Variants in SLC35D1 observed in about 807,000 individuals in gnomAD.
SLC35D1 encodes solute carrier family 35 member D1, also known as nucleotide sugar transporter SLC35D1.
SLC35D1 carries 31 observed loss-of-function variants against 46.7 expected under a neutral mutation model. That is an observed-to-expected ratio of 0.66 (90% CI 0.50 to 0.90). SLC35D1 has a LOEUF of 0.90. Among genes scored for constraint, SLC35D1 ranks in the 40% least tolerant of loss-of-function variants. The probability of loss-of-function intolerance (pLI) is 0.00; values close to 1 mark genes in which losing one functional copy is unlikely to be tolerated. For synonymous variants in SLC35D1, 195 were observed against 164.6 expected (o/e 1.18, Z -1.41); for missense variants, 397 against 426.2 (o/e 0.93, Z 0.60).
At chr1:67,039,814 ACT>A (rs1197917199) in intron 8 of SLC35D1, among the ~76,000 whole-genome samples, 1 of 151,896 alleles carries the variant, frequency 6.6e-6, no homozygotes, top group Non-Finnish European at 1.5e-5. Context: ...CTCCTCAGAA[ACT>A]CTGTCTCAAC....
chr1:66,974,259 T>A, the SLC35D1 span, among the ~76,000 whole-genome samples: 3 of 152,104 alleles, frequency 2.0e-5, no homozygotes, highest in Admixed American at 1.3e-4. Context: ...GTAATTAGTT[T>A]CAAAAATGTA....
At chr1:67,018,977 G>A (rs1667740524) in intron 10 of SLC35D1, among the ~76,000 whole-genome samples, 1 of 152,208 alleles carries the variant, frequency 6.6e-6, no homozygotes, top group Admixed American at 6.5e-5. Flanking sequence ...TCCCTGTGGA[G>A]TTTGTAAGTA....
chr1:67,044,550 CACAT>C (rs1645230730), intron 7 of SLC35D1, among the ~76,000 whole-genome samples: 1 of 152,148 alleles, frequency 6.6e-6, no homozygotes. Context: ...AGTGTGCACA[CACAT>C]ACACATACAA....
intron 11 of SLC35D1, among the ~76,000 whole-genome samples, chr1:67,004,907 A>T (rs1667416453): frequency 1.3e-5 from 2 of 152,112 alleles, no homozygotes; most frequent in Admixed American, 6.5e-5. Flanking sequence ...AGACCCTAGG[A>T]GATTCACAGA....
At chr1:66,974,540 G>A in the SLC35D1 span, among the ~76,000 whole-genome samples, 790 of 152,014 alleles carry the variant, frequency 5.2e-3, 2 homozygotes, top group Middle Eastern at 0.017. Flanking sequence ...GATAGCTTAT[G>A]TAACAAGCAG....
chr1:67,053,974 C>T lies in SLC35D1; in HGVS notation c.40G>A (p.Gly14Arg), dbSNP rs1553268935. The stretch of plus-strand genomic sequence containing the variant: ...GTGGAGGATTTCGCGGGGGCTTCTC[C>T]TTTAACCCGAGCATGCTGACGTCTA... ...VHRRQHARVK[G>R]EAPAKSSTLR... The change falls in exon 1 of 12, where the codon GGA (glycine) becomes AGA (arginine). Residue 14 changes from glycine to arginine, a missense_variant. Transcript: ENST00000235345. 2 of 1,613,398 alleles carry T rather than the reference C, an allele frequency of 1.2e-6. No homozygotes were observed. Among genetic ancestry groups the T allele is most frequent in the Non-Finnish European group, 1.7e-6 (2 of 1,179,564 alleles).
At chr1:66,977,500 A>C in the SLC35D1 span, among the ~76,000 whole-genome samples, 2 of 152,186 alleles carry the variant, frequency 1.3e-5, no homozygotes, top group Non-Finnish European at 2.9e-5. Context: ...AGTAATATTT[A>C]AGAATTAGTA....
At chr1:66,981,300 C>G in the SLC35D1 span, among the ~76,000 whole-genome samples, 1 of 152,194 alleles carries the variant, frequency 6.6e-6, no homozygotes, top group Non-Finnish European at 1.5e-5. Flanking sequence ...TAGCTCAGAT[C>G]TGGCAGAAAT....
the SLC35D1 span, among the ~76,000 whole-genome samples, chr1:66,990,422 G>A: frequency 5.9e-5 from 9 of 152,160 alleles, no homozygotes; most frequent in Middle Eastern, 3.4e-3. Flanking sequence ...ACAGGTGTGC[G>A]CCACCACGCC....
chr1:67,030,728 G>C (rs1258699096), intron 8 of SLC35D1, among the ~76,000 whole-genome samples: 2 of 152,034 alleles, frequency 1.3e-5, no homozygotes, highest in Non-Finnish European at 2.9e-5. Flanking sequence ...GTACAATTCT[G>C]ACATCTATTA....
the SLC35D1 span, chr1:66,985,015 G>C: frequency 1.6e-3 from 2,235 of 1,415,686 alleles, 4 homozygotes; most frequent in Non-Finnish European, 1.9e-3. Context: ...AATTTGAATT[G>C]AGTCTTAACT....
At chr1:66,997,981 T>C (rs1570597592), downstream of SLC35D1, among the ~76,000 whole-genome samples, 1 of 151,510 alleles carries the variant, frequency 6.6e-6, no homozygotes, top group Non-Finnish European at 1.5e-5. Flanking sequence ...CAGAACAAGA[T>C]TATCATATCA....
chr1:67,038,365 TC>T (rs1199559804), intron 8 of SLC35D1, among the ~76,000 whole-genome samples: 2 of 152,114 alleles, frequency 1.3e-5, no homozygotes, highest in African/African-American at 4.8e-5. Flanking sequence ...TTCCTATAAC[TC>T]CCCTAAACCA....
intron 6 of SLC35D1, among the ~76,000 whole-genome samples, chr1:67,049,023 G>A (rs527691364): frequency 2.6e-4 from 40 of 152,296 alleles, no homozygotes; most frequent in East Asian, 7.7e-4. Flanking sequence ...GGCCAGGCGC[G>A]GTGGCTCACG....
intron 1 of SLC35D1, among the ~76,000 whole-genome samples, chr1:67,053,330 A>C (rs1199154400): frequency 6.7e-6 from 1 of 150,274 alleles, no homozygotes; most frequent in Non-Finnish European, 1.5e-5. Context: ...TCTGGGTCCC[A>C]GTGTTAGCAA....
intron 5 of SLC35D1, among the ~76,000 whole-genome samples, 192 bp from the exon 6 acceptor site, chr1:67,050,042 A>C (rs1255065658): frequency 6.6e-6 from 1 of 152,196 alleles, no homozygotes; most frequent in Non-Finnish European, 1.5e-5. Flanking sequence ...TATTACACCC[A>C]CTTTTAAAAT....
At chr1:66,976,483 G>A in the SLC35D1 span, 7 of 895,874 alleles carry the variant, frequency 7.8e-6, no homozygotes, top group African/African-American at 1.2e-4. Context: ...TTATATATAG[G>A]ATTATATTTC....
chr1:66,990,351 T>C, the SLC35D1 span, among the ~76,000 whole-genome samples: 1 of 152,166 alleles, frequency 6.6e-6, no homozygotes, highest in Admixed American at 6.5e-5. Flanking sequence ...CACTGCTCAC[T>C]GCAGCCTCAA....
chr1:67,013,973 A>T (rs1667628975), intron 10 of SLC35D1, among the ~76,000 whole-genome samples: 1 of 152,230 alleles, frequency 6.6e-6, no homozygotes, highest in African/African-American at 2.4e-5. Context: ...GTGGGATTCA[A>T]TGTAAAAGCA....
Sources: allele counts gnomAD v4.1 joint callset (sites outside exome capture counted in the v4.1 genomes callset), GRCh38; gene constraint gnomAD v4.1.1; transcripts MANE v1.5; gene names NCBI Gene and HGNC (gene_info 2026-07-23, HGNC 2026-07-21).